RBBP8: variants seen among roughly 807,000 people sequenced by gnomAD.
RBBP8 encodes RB binding protein 8, endonuclease.
In RBBP8, 88 loss-of-function variants were observed where a neutral mutation model predicts 108.3. The observed-to-expected ratio is 0.81, with a 90% CI of 0.68 to 0.97. The LOEUF is 0.97. Among genes scored for constraint, RBBP8 ranks in the 50% least tolerant of loss-of-function variants. The pLI is 0.00. For synonymous variants in RBBP8, 332 were observed against 348.2 expected (o/e 0.95, Z 0.52); for missense variants, 1,023 against 1,049.0 (o/e 0.98, Z 0.34).
chr18:22,919,594 T>C (rs141138730), intron 3 of RBBP8, among the ~76,000 whole-genome samples: 12 of 152,260 alleles, frequency 7.9e-5, no homozygotes, highest in South Asian at 2.1e-4. Flanking sequence ...TCTCGCTCTG[T>C]CACTCAGGCT....
intron 17 of RBBP8, among the ~76,000 whole-genome samples, chr18:23,021,718 A>T (rs956996119): frequency 6.6e-6 from 1 of 152,196 alleles, no homozygotes; most frequent in Non-Finnish European, 1.5e-5. Context: ...ATTAAGAAAC[A>T]TGTAGACCTC....
At chr18:22,995,677 A>T (rs1415063560) in intron 12 of RBBP8, among the ~76,000 whole-genome samples, 2 of 152,104 alleles carry the variant, frequency 1.3e-5, no homozygotes. Flanking sequence ...ATCTTTTGTT[A>T]CTTCTTTCAC....
intron 4 of RBBP8, among the ~76,000 whole-genome samples, chr18:22,957,828 A>G (rs1375737398): frequency 6.6e-6 from 1 of 152,188 alleles, no homozygotes; most frequent in Non-Finnish European, 1.5e-5. Context: ...TGATAAGAAA[A>G]ACTGAAAGTA....
chr18:22,949,687 T>A lies in RBBP8; in HGVS notation c.222T>A (p.His74Gln), dbSNP rs1197803424. Residue 74 changes from histidine to glutamine, a missense_variant, in exon 4 of 19, where the codon CAT (histidine) becomes CAA (glutamine). Coordinates refer to ENST00000327155, the MANE Select transcript of RBBP8 (RefSeq NM_002894.3). ...TGAGGGAACAGCAGAAAGTCCTTCATGAAACCATTAAAGTTTTAGAAGATC... is the reference window on the plus strand; with the variant it reads ...TGAGGGAACAGCAGAAAGTCCTTCAAGAAACCATTAAAGTTTTAGAAGATC... ...QQLREQQKVL[H>Q]ETIKVLEDRL... The A allele has an allele frequency of 3.1e-6, 5 of 1,613,076 alleles. No homozygotes were observed. In the South Asian group the frequency reaches 5.5e-5, roughly 18 times the overall value.
At chr18:22,975,040 T>G (rs771159139) in intron 5 of RBBP8, 113 bp from the exon 6 acceptor site, 463 of 1,284,046 alleles carry the variant, frequency 3.6e-4, no homozygotes, top group Middle Eastern at 1.9e-3. Flanking sequence ...ACATTATGAT[T>G]TAGGATTAGA....
chr18:22,982,485 T>C (rs1915004586), intron 7 of RBBP8, 92 bp downstream of exon 7: 2 of 1,592,042 alleles, frequency 1.3e-6, no homozygotes, highest in Non-Finnish European at 1.7e-6. Context: ...GATAAGAAGA[T>C]AGTCACTATT....
chr18:22,919,453 A>C (rs1378025172), intron 3 of RBBP8, among the ~76,000 whole-genome samples: 3 of 152,264 alleles, frequency 2.0e-5, no homozygotes, highest in African/African-American at 4.8e-5. Context: ...TAAGTCCACG[A>C]TAAAAGAATC....
chr18:22,970,111 C>G (rs1451025445), intron 5 of RBBP8, among the ~76,000 whole-genome samples: 2 of 152,176 alleles, frequency 1.3e-5, no homozygotes, highest in Non-Finnish European at 2.9e-5. Context: ...CCTTATAATA[C>G]CAAATGCAGT....
chr18:22,946,430 T>C lies in RBBP8; in HGVS notation c.110-14T>C. The C allele has an allele frequency of 6.2e-7, 1 of 1,612,104 alleles. No homozygotes were observed. Among genetic ancestry groups the C allele is most frequent in the South Asian group, 1.1e-5 (1 of 90,998 alleles). ...ACTGTTGTAGAAGTAATACCTTTTC[T>C]TTTTACTTTTCAGGTTTACAAGTAA... is the stretch of plus-strand genomic sequence containing the variant. On this transcript the variant is annotated splice_polypyrimidine_tract_variant and intron_variant, in intron 2 of 18. Coordinates refer to ENST00000327155, the MANE Select transcript of RBBP8 (RefSeq NM_002894.3).
At chr18:22,936,725 T>C in intron 1 of RBBP8, 29 bp from the exon 2 acceptor site, 1 of 1,047,078 alleles carries the variant, frequency 9.6e-7, no homozygotes. Context: ...AAATGCAAAG[T>C]TCATTTATGT....
intron 8 of RBBP8, among the ~76,000 whole-genome samples, chr18:22,988,002 T>C (rs1915447196): frequency 6.6e-6 from 1 of 152,224 alleles, no homozygotes; most frequent in Non-Finnish European, 1.5e-5. Flanking sequence ...ACACTATACA[T>C]GCCTCTTTGA....
At chr18:22,984,835 T>C in intron 7 of RBBP8, 51 bp from the exon 8 acceptor site, 2 of 1,019,214 alleles carry the variant, frequency 2.0e-6, no homozygotes, top group East Asian at 2.5e-5. Context: ...TTGATAATGC[T>C]TTTCATCATC....
chr18:23,020,239 G>A (rs747112741), intron 17 of RBBP8, among the ~76,000 whole-genome samples: 11 of 151,622 alleles, frequency 7.3e-5, no homozygotes, highest in Non-Finnish European at 1.3e-4. Context: ...TGGCCAACAT[G>A]GTAAAACCCT....
At chr18:23,021,820 CTT>C (rs397735746) in intron 17 of RBBP8, among the ~76,000 whole-genome samples, 9 of 141,098 alleles carry the variant, frequency 6.4e-5, no homozygotes, top group Non-Finnish European at 6.2e-5. Context: ...GATCAGCTGG[CTT>C]TTTTTTTTTT....
At chr18:22,998,809 T>C (rs1396075832) in intron 14 of RBBP8, among the ~76,000 whole-genome samples, 1 of 152,234 alleles carries the variant, frequency 6.6e-6, no homozygotes, top group Non-Finnish European at 1.5e-5. Context: ...TTATTTGTTC[T>C]TCAATGACAA....
intron 3 of RBBP8, among the ~76,000 whole-genome samples, chr18:22,925,979 G>A (rs1053637230): frequency 1.2e-4 from 19 of 152,040 alleles, no homozygotes; most frequent in Non-Finnish European, 2.1e-4. Flanking sequence ...CCTTTTAAGT[G>A]CCAGGGTTAG....
At chr18:22,968,630 G>A (rs1913823921) in intron 4 of RBBP8, among the ~76,000 whole-genome samples, 176 bp from the exon 5 acceptor site, 1 of 151,924 alleles carries the variant, frequency 6.6e-6, no homozygotes, top group African/African-American at 2.4e-5. Context: ...AGAAAATGGT[G>A]GTATAACATG....
chr18:23,018,951 A>G (rs1410847015), intron 17 of RBBP8, among the ~76,000 whole-genome samples: 1 of 152,240 alleles, frequency 6.6e-6, no homozygotes, highest in Non-Finnish European at 1.5e-5. Context: ...AAATTTAATA[A>G]CCAAGCACAT....
At position 22,961,458 on chromosome 18, in the gene RBBP8, A is replaced by ACTCAG. The variant is rs368008874; in HGVS notation, c.249-7347_249-7343dup. ...TAGGGCAAGTGTGTATATTTTAAGT[A>ACTCAG]CTCAGGCATTAGATTTTCACTGTTA... On this transcript the variant is annotated intron_variant, in intron 4 of 18. Transcript: ENST00000327155. 2.3e-3 allele frequency among the ~76,000 whole-genome samples: 349 copies of ACTCAG among 152,288 alleles called. 2 individuals carry two copies. Among genetic ancestry groups the ACTCAG allele is most frequent in the African/African-American group, 8.1e-3 (337 of 41,554 alleles).
Sources: allele counts gnomAD v4.1 joint callset (sites outside exome capture counted in the v4.1 genomes callset), GRCh38; gene constraint gnomAD v4.1.1; transcripts MANE v1.5; gene names NCBI Gene and HGNC (gene_info 2026-07-23, HGNC 2026-07-21).